DNMBP: variants seen among roughly 807,000 people sequenced by gnomAD.
DNMBP encodes the protein dynamin-binding protein.
DNMBP carries 87 observed loss-of-function variants against 150.0 expected under a neutral mutation model. The observed-to-expected ratio is 0.58, with a 90% CI of 0.49 to 0.69. The LOEUF (loss-of-function observed/expected upper bound fraction) is 0.69. Ranked by LOEUF, DNMBP falls within the 30% of genes least tolerant of loss-of-function variation. DNMBP has a pLI of 0.00. For synonymous variants in DNMBP, 711 were observed against 750.4 expected (o/e 0.95, Z 0.86); for missense variants, 1,774 against 1,949.0 (o/e 0.91, Z 1.69).
At chr10:99,893,077 T>A (rs1379967783) in intron 11 of DNMBP, among the ~76,000 whole-genome samples, 2 of 152,202 alleles carry the variant, frequency 1.3e-5, no homozygotes, top group African/African-American at 4.8e-5. Context: ...ATTCCTAATA[T>A]AAGAAATGAC....
chr10:99,921,775 G>A (rs1456216373), intron 4 of DNMBP, among the ~76,000 whole-genome samples: 2 of 137,994 alleles, frequency 1.4e-5, no homozygotes, highest in Non-Finnish European at 3.1e-5. Flanking sequence ...TGAAGCATGA[G>A]AATCGCTTGA....
intron 4 of DNMBP, chr10:99,930,164 T>C: frequency 2.8e-6 from 2 of 702,984 alleles, no homozygotes; most frequent in Non-Finnish European, 5.2e-6. Context: ...AATTGCTGTG[T>C]TCTCTACAAT....
chr10:99,890,624 A>C (rs1232196688), intron 11 of DNMBP, among the ~76,000 whole-genome samples: 1 of 152,160 alleles, frequency 6.6e-6, no homozygotes, highest in Non-Finnish European at 1.5e-5. Flanking sequence ...AAGACAAAGA[A>C]ACATACTCAG....
At chr10:99,990,509 C>G (rs536605882) in intron 1 of DNMBP, among the ~76,000 whole-genome samples, 1 of 150,964 alleles carries the variant, frequency 6.6e-6, no homozygotes, top group African/African-American at 2.4e-5. Context: ...CTGAGATACA[C>G]CACTGCACTC....
At chr10:99,889,110 C>G in intron 11 of DNMBP, 157 bp from the exon 12 acceptor site, 3 of 801,432 alleles carry the variant, frequency 3.7e-6, no homozygotes, top group Middle Eastern at 3.5e-4. Flanking sequence ...AGCATATTTT[C>G]ATAAACTATG....
At chr10:99,886,040 C>G (rs1444867044) in intron 13 of DNMBP, among the ~76,000 whole-genome samples, 174 bp from the exon 14 acceptor site, 1 of 152,188 alleles carries the variant, frequency 6.6e-6, no homozygotes, top group African/African-American at 2.4e-5. Context: ...CAGCCTGATG[C>G]AAGACACAAG....
intron 6 of DNMBP, among the ~76,000 whole-genome samples, chr10:99,905,565 A>G (rs1030237419): frequency 1.3e-5 from 2 of 152,238 alleles, no homozygotes; most frequent in African/African-American, 4.8e-5. Flanking sequence ...TCTACTAAAA[A>G]TAAAAAAGCT....
At chr10:99,980,254 G>A (rs919928044) in intron 1 of DNMBP, among the ~76,000 whole-genome samples, 3 of 152,096 alleles carry the variant, frequency 2.0e-5, no homozygotes, top group Non-Finnish European at 4.4e-5. Context: ...AGACAAGCCT[G>A]GCCAACGTGG....
chr10:99,938,315 G>A (rs956890293), intron 4 of DNMBP, among the ~76,000 whole-genome samples: 25 of 152,130 alleles, frequency 1.6e-4, no homozygotes, highest in African/African-American at 5.6e-4. Flanking sequence ...AGGCCAAGGT[G>A]GGCGGATCAC....
intron 16 of DNMBP, among the ~76,000 whole-genome samples, chr10:99,878,311 G>GA (rs879371424): frequency 4.0e-4 from 61 of 152,238 alleles, no homozygotes; most frequent in Non-Finnish European, 8.1e-4. Context: ...GAGAAGCCAT[G>GA]AGGCCCATGG....
chr10:99,886,268 T>C (rs770301205), intron 13 of DNMBP, 32 bp downstream of exon 13: 12 of 1,561,514 alleles, frequency 7.7e-6, no homozygotes, highest in Admixed American at 1.8e-5. Flanking sequence ...AGGCTATAGA[T>C]GACCATCCCA....
At chr10:99,980,892 T>A (rs2040774542) in intron 1 of DNMBP, among the ~76,000 whole-genome samples, 1 of 152,006 alleles carries the variant, frequency 6.6e-6, no homozygotes, top group Non-Finnish European at 1.5e-5. Context: ...GTCAAATTCA[T>A]AAGAGATTAA....
chr10:99,923,161 TG>T (rs1391133402), intron 4 of DNMBP, among the ~76,000 whole-genome samples: 1 of 151,722 alleles, frequency 6.6e-6, no homozygotes, highest in Non-Finnish European at 1.5e-5. Context: ...GAGGCCGAGG[TG>T]GGCGGATCAG....
chr10:99,892,423 C>T (rs1402532463), intron 11 of DNMBP, among the ~76,000 whole-genome samples: 4 of 134,348 alleles, frequency 3.0e-5, no homozygotes, highest in South Asian at 2.7e-4. Flanking sequence ...AGAAAAATTC[C>T]TCTGCCTTGG....
chr10:99,885,067 A>G (rs1036982552), intron 14 of DNMBP, among the ~76,000 whole-genome samples: 5 of 152,240 alleles, frequency 3.3e-5, no homozygotes, highest in African/African-American at 9.6e-5. Flanking sequence ...GACTAACTCC[A>G]GGTAAAAAAG....
rs1165772290 is a variant in DNMBP at position 99,924,281 on chromosome 10, CAA to C, written c.2261-15137_2261-15136del. On this transcript the variant is annotated intron_variant, in intron 4 of 16. Transcript: ENST00000324109. ...TGAAACCCCGTCTCTACTAAAAATA[CAA>C]AAAAAAAAAATTAGCCAGGCGTGGT... Among the ~76,000 whole-genome samples the C allele has an allele frequency of 4.0e-5, 5 of 123,940 alleles. No homozygotes were observed. The South Asian group carries it at 1.0e-3, about 25-fold the overall frequency. The allele number at this position is 123,940 out of a possible 152,430, so 81.3% of individuals were successfully genotyped here. A position where few individuals can be genotyped will look rare whatever the true frequency, so the allele number is the denominator to read the frequency against.
intron 4 of DNMBP, among the ~76,000 whole-genome samples, chr10:99,944,951 A>G (rs1225993030): frequency 6.6e-6 from 1 of 152,204 alleles, no homozygotes; most frequent in African/African-American, 2.4e-5. Flanking sequence ...TTCTGTAATA[A>G]GCTAAGATCC....
intron 4 of DNMBP, among the ~76,000 whole-genome samples, chr10:99,917,030 A>AG (rs2039971973): frequency 6.6e-6 from 1 of 152,090 alleles, no homozygotes; most frequent in Non-Finnish European, 1.5e-5. Flanking sequence ...AAAAGGGCCC[A>AG]GGTAAATAAA....
rs542614796 is a variant in DNMBP, at chr10:99,933,972, A to G, written c.2260+21242T>C. On this transcript the variant is annotated intron_variant, in intron 4 of 16. Transcript: ENST00000324109. ...AGGATGGTCTCAATCTCCTGACCTC[A>G]TGATCCCCCTGCCTCGGCGTCCCAA... Among the ~76,000 whole-genome samples the G allele has an allele frequency of 6.2e-4, 94 of 152,032 alleles. No individual in the cohort carries two copies. The East Asian group carries it at 9.5e-3, about 15-fold the overall frequency.
Sources: gnomAD v4.1 joint callset for allele counts (sites outside exome capture counted in the v4.1 genomes callset) on GRCh38, gnomAD v4.1.1 for gene constraint, MANE v1.5 for transcripts, NCBI Gene and HGNC (gene_info 2026-07-23, HGNC 2026-07-21) for gene names.